The following PVT1 variants were observed in gnomAD, a reference collection of about 807,000 sequenced individuals.
PVT1 encodes CXCR4/PVT1 fusion.
At chr8:128,026,775 A>G (rs1353059451) in intron 4 of PVT1, among the ~76,000 whole-genome samples, 1 of 152,186 alleles carries the variant, frequency 6.6e-6, no homozygotes, top group African/African-American at 2.4e-5. Flanking sequence ...CTCTGGAAGC[A>G]CAGAACTGTA....
intron 4 of PVT1, among the ~76,000 whole-genome samples, chr8:128,044,013 TTA>T (rs201651304): frequency 0.16 from 5,752 of 34,958 alleles, 146 homozygotes; most frequent in African/African-American, 0.2. Context: ...TATTATTTAT[TTA>T]TTTTTTTTTT....
At chr8:127,813,144 CA>C (rs1039689955) in intron 2 of PVT1, among the ~76,000 whole-genome samples, 2 of 139,346 alleles carry the variant, frequency 1.4e-5, no homozygotes, top group Non-Finnish European at 3.1e-5. Flanking sequence ...GACTCTGTCT[CA>C]AAAAAAATAT....
chr8:128,099,366 T>C (rs1814471434), intron 6 of PVT1: 2 of 152,208 alleles, frequency 1.3e-5, no homozygotes, highest in South Asian at 2.1e-4. Context: ...CATTTCTCCC[T>C]CAGAGGCCTG....
chr8:127,947,686 A>G, intron 3 of PVT1: 1 of 456,164 alleles, frequency 2.2e-6, no homozygotes, highest in Non-Finnish European at 4.4e-6. Flanking sequence ...GGACATGGCC[A>G]GCTGTGTTGT....
chr8:127,916,224 A>AG (rs1177754035), intron 3 of PVT1, among the ~76,000 whole-genome samples: 2 of 152,214 alleles, frequency 1.3e-5, no homozygotes, highest in Non-Finnish European at 2.9e-5. Flanking sequence ...CACACCATGT[A>AG]GGGGCAAGTG....
rs1814541506 is a variant in PVT1, at chr8:127,807,548, C to A, written n.372+11477C>A. Among the ~76,000 whole-genome samples, 3 of 152,188 alleles carry A rather than the reference C, an allele frequency of 2.0e-5. No homozygotes were observed. In the South Asian group the frequency reaches 6.2e-4, roughly 32 times the overall value. ...ATATTGCCCAGGCTGGTCTTGAACT[C>A]CTGGCCTCAAGCCATCCTCCTGCCC... On this transcript the variant is annotated intron_variant and non_coding_transcript_variant, in intron 2 of 10. Coordinates refer to ENST00000651587, the Ensembl canonical transcript of PVT1.
intron 2 of PVT1, among the ~76,000 whole-genome samples, chr8:127,815,913 C>T (rs1489539024): frequency 6.6e-6 from 1 of 152,136 alleles, no homozygotes; most frequent in Non-Finnish European, 1.5e-5. Context: ...ATAATGAGTT[C>T]AGGAGTTCGA....
intron 4 of PVT1, among the ~76,000 whole-genome samples, chr8:128,006,830 A>G (rs1586478303): frequency 6.6e-6 from 1 of 152,286 alleles, no homozygotes; most frequent in East Asian, 1.9e-4. Context: ...TAGATTTTAC[A>G]TTGGGATGCC....
chr8:128,072,885 G>A (rs1324916884), intron 5 of PVT1, among the ~76,000 whole-genome samples: 1 of 151,930 alleles, frequency 6.6e-6, no homozygotes, highest in East Asian at 1.9e-4. Context: ...CCAGGTTGGA[G>A]TACAGTGGTG....
At chr8:128,044,206 C>T (rs1392874619) in intron 4 of PVT1, among the ~76,000 whole-genome samples, 2 of 125,324 alleles carry the variant, frequency 1.6e-5, no homozygotes, top group South Asian at 2.8e-4. Flanking sequence ...GCACCCACCT[C>T]GCACCTCCAT....
At chr8:127,970,293 T>TTG (rs1816749544) in intron 3 of PVT1, among the ~76,000 whole-genome samples, 1 of 114,434 alleles carries the variant, frequency 8.7e-6, no homozygotes, top group African/African-American at 3.3e-5. Context: ...TGATTTGTTT[T>TTG]TTTTTTTTTT....
At chr8:127,985,436 CTTTT>C (rs549166946) in intron 3 of PVT1, among the ~76,000 whole-genome samples, 1 of 142,108 alleles carries the variant, frequency 7.0e-6, no homozygotes, top group Non-Finnish European at 1.5e-5. Flanking sequence ...TGAGTAGCTG[CTTTT>C]TTTTTTTTTT....
intron 5 of PVT1, among the ~76,000 whole-genome samples, chr8:128,089,719 T>G (rs763631186): frequency 3.9e-5 from 6 of 152,228 alleles, no homozygotes; most frequent in Non-Finnish European, 7.3e-5. Context: ...AAATCATTCT[T>G]TCTTTGTTTC....
intron 2 of PVT1, among the ~76,000 whole-genome samples, chr8:127,826,071 G>A (rs1327922246): frequency 7.4e-6 from 1 of 134,230 alleles, no homozygotes; most frequent in African/African-American, 2.9e-5. Context: ...TGTTGCCCAG[G>A]CCAGTTTCGA....
At chr8:127,913,625 G>A (rs1040780969) in intron 3 of PVT1, among the ~76,000 whole-genome samples, 14 of 152,114 alleles carry the variant, frequency 9.2e-5, no homozygotes, top group African/African-American at 3.4e-4. Context: ...TCTTCAGTAT[G>A]GAAGCACTTC....
chr8:127,964,365 AC>A (rs2129951927), intron 3 of PVT1, among the ~76,000 whole-genome samples: 1 of 152,270 alleles, frequency 6.6e-6, no homozygotes, highest in East Asian at 1.9e-4. Flanking sequence ...TACAGCAGCG[AC>A]CAACCGAAGC....
chr8:127,949,379 CTGTGTGTGTGTGTGTGTGTGTGTGTGTG>C (rs61425056), intron 3 of PVT1, among the ~76,000 whole-genome samples: 1 of 111,258 alleles, frequency 9.0e-6, no homozygotes, highest in Non-Finnish European at 1.8e-5. Context: ...ACTCCAGGAG[CTGTGTGTGTGTGTGTGTGTGTGTGTGTG>C]TGTGTGTGTG....
intron 4 of PVT1, among the ~76,000 whole-genome samples, chr8:128,068,699 A>G (rs2648885): frequency 0.63 from 95,146 of 151,996 alleles, 29,931 homozygotes; most frequent in East Asian, 0.77. Context: ...TCACCATGTT[A>G]GCCAGGATGG....
At chr8:128,061,199 A>G (rs986887204) in intron 4 of PVT1, among the ~76,000 whole-genome samples, 3 of 152,236 alleles carry the variant, frequency 2.0e-5, no homozygotes, top group Non-Finnish European at 1.5e-5. Context: ...GTGAGCCACC[A>G]TGCCTGGCCA....
Sources: allele counts gnomAD v4.1 joint callset (sites outside exome capture counted in the v4.1 genomes callset), GRCh38; gene constraint gnomAD v4.1.1; transcripts MANE v1.5; gene names NCBI Gene and HGNC (gene_info 2026-07-23, HGNC 2026-07-21).